LOC400499: variants seen among roughly 807,000 people sequenced by gnomAD.
chr16:11,372,031 T>G, the LOC400499 span: 4 of 152,216 alleles, frequency 2.6e-5, no homozygotes, highest in African/African-American at 9.7e-5. Flanking sequence ...TCTGCCAGCT[T>G]TATTTTTCAG....
the LOC400499 span, chr16:11,450,883 C>G: frequency 1.4e-6 from 2 of 1,442,580 alleles, no homozygotes; most frequent in Admixed American, 2.1e-5. Context: ...TAGCAGGCAG[C>G]TGGAGGTCCC....
chr16:11,407,359 C>A, the LOC400499 span: 15 of 395,676 alleles, frequency 3.8e-5, no homozygotes, highest in Middle Eastern at 2.5e-3. Context: ...AAAAAAAAAA[C>A]CACCACAAAA....
chr16:11,396,656 TC>T, the LOC400499 span: 16 of 1,231,668 alleles, frequency 1.3e-5, no homozygotes, highest in Non-Finnish European at 1.6e-5. Flanking sequence ...CAGGGTGTGC[TC>T]CCCGACGACC....
At chr16:11,392,075 C>T in the LOC400499 span, 3 of 399,494 alleles carry the variant, frequency 7.5e-6, no homozygotes, top group Non-Finnish European at 4.4e-6. Context: ...CGGGCTTGCA[C>T]CTGGGAGCCA....
chr16:11,495,475 G>C, the LOC400499 span, among the ~76,000 whole-genome samples: 1 of 151,778 alleles, frequency 6.6e-6, no homozygotes, highest in Non-Finnish European at 1.5e-5. Context: ...CCACCTCCTG[G>C]GTTCATGTGA....
At chr16:11,482,948 G>C in the LOC400499 span, among the ~76,000 whole-genome samples, 2 of 148,582 alleles carry the variant, frequency 1.3e-5, no homozygotes, top group Non-Finnish European at 3.0e-5. Flanking sequence ...AGTATAGAAA[G>C]AATTCTCAAA....
the LOC400499 span, chr16:11,449,202 T>C: frequency 8.9e-7 from 1 of 1,127,326 alleles, no homozygotes; most frequent in Non-Finnish European, 1.2e-6. Flanking sequence ...GGTGAACTCC[T>C]CTTCATCCCT....
the LOC400499 span, among the ~76,000 whole-genome samples, chr16:11,405,784 G>A: frequency 1.7e-3 from 253 of 152,250 alleles, no homozygotes; most frequent in African/African-American, 5.9e-3. Flanking sequence ...CAGCCAGAGG[G>A]ATCTGAAATC....
the LOC400499 span, chr16:11,488,891 G>A: frequency 5.0e-6 from 2 of 398,744 alleles, no homozygotes; most frequent in African/African-American, 2.1e-5. Context: ...GTGGGCAGCA[G>A]GGAGGGGCCG....
At chr16:11,486,069 T>C in the LOC400499 span, among the ~76,000 whole-genome samples, 1 of 150,166 alleles carries the variant, frequency 6.7e-6, no homozygotes, top group Non-Finnish European at 1.5e-5. Context: ...GATGTATGGA[T>C]GGATGGATGT....
the LOC400499 span, among the ~76,000 whole-genome samples, chr16:11,483,166 T>C: frequency 6.6e-6 from 1 of 152,190 alleles, no homozygotes; most frequent in Non-Finnish European, 1.5e-5. Context: ...TATCGAGTGT[T>C]GGTGAGGATG....
the LOC400499 span, chr16:11,446,715 G>A: frequency 5.9e-6 from 9 of 1,532,780 alleles, no homozygotes; most frequent in Admixed American, 5.9e-5. Flanking sequence ...TGGCTCTCAG[G>A]CCCCTTCCGG....
the LOC400499 span, chr16:11,494,839 C>A: frequency 2.6e-6 from 1 of 391,406 alleles, no homozygotes; most frequent in Non-Finnish European, 4.5e-6. Context: ...CACACCGACT[C>A]ACCTGGGCAA....
the LOC400499 span, chr16:11,460,948 G>A: frequency 6.6e-7 from 1 of 1,516,662 alleles, no homozygotes; most frequent in Non-Finnish European, 8.8e-7. Context: ...CCGCAACCAG[G>A]CACGCAGTGC....
At chr16:11,484,268 A>G in the LOC400499 span, among the ~76,000 whole-genome samples, 14 of 151,946 alleles carry the variant, frequency 9.2e-5, no homozygotes, top group South Asian at 6.2e-4. Flanking sequence ...CGGCCTCCCA[A>G]AGTGCTGGGA....
chr16:11,383,825 G>A, the LOC400499 span: 17 of 1,232,182 alleles, frequency 1.4e-5, no homozygotes, highest in African/African-American at 9.3e-5. Flanking sequence ...ACCCTGAGGA[G>A]GGACCTAAGC....
the LOC400499 span, among the ~76,000 whole-genome samples, chr16:11,415,231 G>A: frequency 6.6e-6 from 1 of 152,166 alleles, no homozygotes; most frequent in Non-Finnish European, 1.5e-5. Context: ...TTTCTTCTTT[G>A]ACTTAAACTC....
At chr16:11,461,149 G>C in the LOC400499 span, 152 of 1,516,866 alleles carry the variant, frequency 1.0e-4, no homozygotes, top group African/African-American at 2.1e-4. Context: ...GCAGATGAGA[G>C]GGTCAGCCCC....
chr16:11,384,225 C>T, the LOC400499 span: 1 of 1,232,102 alleles, frequency 8.1e-7, no homozygotes, highest in Non-Finnish European at 1.0e-6. Context: ...CCTGCCAGGC[C>T]AGGCTGAGCT....
Sources: gnomAD v4.1 joint callset for allele counts (sites outside exome capture counted in the v4.1 genomes callset) on GRCh38, gnomAD v4.1.1 for gene constraint, MANE v1.5 for transcripts.